The following PCED1A variants were observed in gnomAD, a reference collection of about 807,000 sequenced individuals.
The protein encoded by PCED1A is PC-esterase domain containing 1A.
A neutral mutation model predicts 41.9 loss-of-function variants in PCED1A; 20 were observed. That is an observed-to-expected ratio of 0.48 (90% CI 0.34 to 0.69). The LOEUF (loss-of-function observed/expected upper bound fraction) is 0.69, where lower values mean the gene tolerates loss of function less well. Ranked by LOEUF, PCED1A falls within the 30% of genes least tolerant of loss-of-function variation. PCED1A has a pLI of 0.01. For synonymous variants in PCED1A, 236 were observed against 241.3 expected (o/e 0.98, Z 0.20); for missense variants, 498 against 602.1 (o/e 0.83, Z 1.81).
chr20:2,839,773 T>C lies in PCED1A; in HGVS notation c.124+16A>G. On this transcript the variant is annotated intron_variant, in intron 2 of 7. Transcript: ENST00000360652. ...AGGTGTGGGACTGGAAGCGTCACCC[T>C]AGAAGAGGCACTCACTGGAGTCCCC... 2 of 1,613,668 alleles carry C rather than the reference T, an allele frequency of 1.2e-6. No individual in the cohort carries two copies. The highest frequency in any genetic ancestry group is 1.7e-6 in the Non-Finnish European group (2 of 1,179,764).
At chr20:2,837,152 A>AC (rs2146606990) in intron 6 of PCED1A, among the ~76,000 whole-genome samples, 1 of 152,348 alleles carries the variant, frequency 6.6e-6, no homozygotes, top group South Asian at 2.1e-4. Context: ...AACTAGCCTT[A>AC]CAACCTTCAG....
Position 2,838,680 on chromosome 20 carries a change from T to G in PCED1A, c.510A>C (p.Gln170His). 6.2e-7 allele frequency: 1 copy of G among 1,614,168 alleles called. No homozygotes were observed. The highest frequency in any genetic ancestry group is 8.5e-7 in the Non-Finnish European group (1 of 1,180,022). The stretch of plus-strand genomic sequence containing the variant: ...CCAGCAGGCAGGAGTCTGGCAATAC[T>G]TGGTCCATGCGCACAAACACCCGCT... ...NLERVFVRMD[Q>H]VLPDSCLLVW... is the part of the protein sequence containing the mutation. Residue 170 changes from glutamine (Q) to histidine (H), a missense_variant, in exon 5 of 8, where the codon CAA (glutamine) becomes CAC (histidine). Coordinates refer to ENST00000360652, the MANE Select transcript of PCED1A (RefSeq NM_022760.6). This position sits in a 1 kb window ranked among gnomAD's most constrained non-coding sequence, Gnocchi z 5.8.
intron 6 of PCED1A, 79 bp from the exon 7 acceptor site, chr20:2,836,393 C>G: frequency 1.6e-6 from 2 of 1,250,074 alleles, no homozygotes; most frequent in Non-Finnish European, 2.3e-6. Context: ...TTCTAAAGCT[C>G]TATTCCTTCC....
intron 1 of PCED1A, 43 bp from the exon 2 acceptor site, chr20:2,839,976 G>A: frequency 1.3e-6 from 2 of 1,551,616 alleles, no homozygotes; most frequent in Non-Finnish European, 1.7e-6. Context: ...TGGGGACTCT[G>A]GGCAGGTCAG....
chr20:2,840,653 G>A lies in PCED1A; in HGVS notation c.-464C>T, dbSNP rs1568619153. On this transcript the variant is annotated 5_prime_UTR_variant, in exon 1 of 8. Transcript: ENST00000360652. ...GCAGCCAAGTGAGGCTGCCCACAGTGGTGATGGCCGCGGCGGCGGCCTCGC... is the reference window on the plus strand; with the variant it reads ...GCAGCCAAGTGAGGCTGCCCACAGTAGTGATGGCCGCGGCGGCGGCCTCGC... 9.0e-6 allele frequency: 10 copies of A among 1,108,626 alleles called. No homozygotes were observed. The highest frequency in any genetic ancestry group is 1.2e-5 in the Non-Finnish European group (9 of 749,860). 68.7% of individuals were successfully genotyped at this position (1,108,626 alleles called of 1,614,324 possible).
chr20:2,838,565 T>A lies in PCED1A; in HGVS notation c.594+31A>T. On this transcript the variant is annotated intron_variant, in intron 5 of 7. Coordinates refer to ENST00000360652, the MANE Select transcript of PCED1A (RefSeq NM_022760.6). The surrounding 1 kb of genome is among the most constrained non-coding windows in gnomAD (Gnocchi z 5.8). ...TCCTATCTACCAGTCTGCTATCCCA[T>A]CTCTTGTCCTGATGGGCCTCAGTCA... The A allele has an allele frequency of 6.2e-7, 1 of 1,614,092 alleles. No individual in the cohort carries two copies. Among genetic ancestry groups the A allele is most frequent in the Non-Finnish European group, 8.5e-7 (1 of 1,179,972 alleles).
chr20:2,840,258 C>T lies in PCED1A; in HGVS notation c.-69G>A. On this transcript the variant is annotated 5_prime_UTR_variant, in exon 1 of 8. Coordinates refer to ENST00000360652, the MANE Select transcript of PCED1A (RefSeq NM_022760.6). The stretch of plus-strand genomic sequence containing the variant: ...TTCACCCGCGACCCGGGTATGCCTG[C>T]GCACCGCGCGCCTGGCCCGCAGCGG... The T allele has an allele frequency of 4.0e-6, 1 of 248,238 alleles. No homozygotes were observed. The highest frequency in any genetic ancestry group is 7.7e-6 in the Non-Finnish European group (1 of 130,146). The allele number at this position is 248,238 out of a possible 1,614,324, so 15.4% of individuals were successfully genotyped here. A position where few individuals can be genotyped will look rare whatever the true frequency, so the allele number is the denominator to read the frequency against.
At position 2,839,904 on chromosome 20, in the gene PCED1A, G is replaced by T. The variant is rs143418384; in HGVS notation, c.9C>A (p.Phe3Leu). The T allele has an allele frequency of 4.3e-6, 7 of 1,612,734 alleles. No homozygotes were observed. In the South Asian group the frequency reaches 4.4e-5, roughly 10 times the overall value. MV[F>L]CLSSEEPRRP... is the part of the protein sequence containing the mutation. ...GGCGCGGCTCCTCGCTCGACAGACA[G>T]AAGACCATGCCGCCACCAGCAACGA... is the stretch of plus-strand genomic sequence containing the variant. Residue 3 changes from phenylalanine (F) to leucine (L), a missense_variant, in exon 2 of 8, where the codon TTC becomes TTA. By Grantham distance (22) the Phe-to-Leu change is conservative. This residue lies in a region of PCED1A where 253 missense variants were observed against 369.7 expected (regional missense o/e 0.68). Coordinates refer to ENST00000360652, the MANE Select transcript of PCED1A (RefSeq NM_022760.6).
In PCED1A at chr20:2,835,524, G is replaced by A; in HGVS notation, c.1303C>T (p.Leu435=). The change falls in exon 8 of 8, where the codon CTG becomes TTG. Residue 435 remains leucine (L), a synonymous_variant. Coordinates refer to ENST00000360652, the MANE Select transcript of PCED1A (RefSeq NM_022760.6). ...CRQRLRHSER[L]IHTYKLDRRP... Reference sequence around the variant, plus strand: ...CTGTCCAGTTTGTATGTGTGGATCAGTCTCTCTGAGTGTCTGAGCCGCTGC... The same window carrying A: ...CTGTCCAGTTTGTATGTGTGGATCAATCTCTCTGAGTGTCTGAGCCGCTGC... 1 of 1,614,100 alleles carries A rather than the reference G, an allele frequency of 6.2e-7. No individual in the cohort carries two copies. Among genetic ancestry groups the A allele is most frequent in the Non-Finnish European group, 8.5e-7 (1 of 1,179,990 alleles).
intron 6 of PCED1A, among the ~76,000 whole-genome samples, chr20:2,836,701 G>C (rs2088841643): frequency 6.6e-6 from 1 of 151,976 alleles, no homozygotes; most frequent in South Asian, 2.1e-4. Context: ...GGAATGTTTT[G>C]CCCAATTTCC....
At chr20:2,840,761 C>T (rs759930249), upstream of PCED1A, 6 of 1,548,054 alleles carry the variant, frequency 3.9e-6, no homozygotes, top group South Asian at 4.8e-5. Flanking sequence ...TCCCAGCTGC[C>T]GTCTGCACCA....
Position 2,835,646 on chromosome 20 carries a change from G to A in PCED1A, c.1181C>T (p.Pro394Leu), listed in dbSNP as rs147321844. ...PLPPPIPGPN[P>L]HGQHWGPVVH... Reference sequence around the variant, plus strand: ...CACTGGGCCCCAGTGCTGACCATGGGGATTAGGGCCAGGGATTGGAGGTGG... The same window carrying A: ...CACTGGGCCCCAGTGCTGACCATGGAGATTAGGGCCAGGGATTGGAGGTGG... The change falls in exon 8 of 8, where the codon CCC (proline) becomes CTC (leucine). Residue 394 changes from proline to leucine, a missense_variant. By Grantham distance (98) the Pro-to-Leu change is moderately conservative (BLOSUM62 -3). Coordinates refer to ENST00000360652, the MANE Select transcript of PCED1A (RefSeq NM_022760.6). The A allele has an allele frequency of 4.9e-4, 788 of 1,601,890 alleles. No homozygotes were observed. The highest frequency in any genetic ancestry group is 6.4e-4 in the Non-Finnish European group (749 of 1,170,780).
intron 7 of PCED1A, 33 bp from the exon 8 acceptor site, chr20:2,835,742 T>G (rs1338854616): frequency 1.3e-6 from 2 of 1,521,790 alleles, no homozygotes; most frequent in Admixed American, 2.1e-5. Context: ...AAGAGCAGGC[T>G]TCTGGCCAGA....
chr20:2,838,211 C>G lies in PCED1A; in HGVS notation c.841+21G>C, dbSNP rs748204981. ...GAGGGCCCCAGTGCATCACTACCCC[C>G]CCACTTATGGTAGGGCTCACCAGGG... is the stretch of plus-strand genomic sequence containing the variant. On this transcript the variant is annotated intron_variant, in intron 6 of 7. Transcript: ENST00000360652. This position sits in a 1 kb window ranked among gnomAD's most constrained non-coding sequence, Gnocchi z 5.8. 44 of 1,613,498 alleles carry G rather than the reference C, an allele frequency of 2.7e-5. No homozygotes were observed. The highest frequency in any genetic ancestry group is 3.4e-4 in the Middle Eastern group (2 of 5,804).
Position 2,839,085 on chromosome 20 carries a change from A to AGGGGCCCCCC in PCED1A, c.205-4_205-3insGGGGGGCCCC. 2 of 491,570 alleles carry AGGGGCCCCCC rather than the reference A, an allele frequency of 4.1e-6. No individual in the cohort carries two copies. The highest frequency in any genetic ancestry group is 4.4e-5 in the African/African-American group (1 of 22,920). 30.5% of individuals were successfully genotyped at this position (491,570 alleles called of 1,614,324 possible). ...TCCTGTTCAAAGCTCAGCTCCCCCT[A>AGGGGCCCCCC]CCCACCCCCCCCACCCTACTGGTCA... is the stretch of plus-strand genomic sequence containing the variant. On this transcript the variant is annotated splice_region_variant and splice_polypyrimidine_tract_variant and intron_variant, in intron 3 of 7. Transcript: ENST00000360652.
rs1321696128 is a variant in PCED1A at position 2,838,224 on chromosome 20, G to C, written c.841+8C>G. 8 of 1,613,942 alleles carry C rather than the reference G, an allele frequency of 5.0e-6. No homozygotes were observed. The highest frequency in any genetic ancestry group is 6.8e-6 in the Non-Finnish European group (8 of 1,179,980). ...CATCACTACCCCCCCACTTATGGTA[G>C]GGCTCACCAGGGGGATAGCCACGCT... On this transcript the variant is annotated splice_region_variant and intron_variant, in intron 6 of 7. Transcript: ENST00000360652. This position sits in a 1 kb window ranked among gnomAD's most constrained non-coding sequence, Gnocchi z 5.8.
chr20:2,840,936 C>G, upstream of PCED1A: 1 of 1,086,948 alleles, frequency 9.2e-7, no homozygotes, highest in South Asian at 1.6e-5. Context: ...GGGTCCGCCC[C>G]GCGCCGGCTC....
chr20:2,840,615 G>C lies in PCED1A; in HGVS notation c.-426C>G, dbSNP rs545789352. On this transcript the variant is annotated 5_prime_UTR_variant, in exon 1 of 8. Transcript: ENST00000360652. The stretch of plus-strand genomic sequence containing the variant: ...GGGCGCGAAGCCCAGGTACGGGCTG[G>C]GGTCTCGGGGCGGCAGCCAAGTGAG... 1.3e-6 allele frequency: 1 copy of C among 764,834 alleles called. No individual in the cohort carries two copies. Among genetic ancestry groups the C allele is most frequent in the East Asian group, 2.8e-5 (1 of 35,976 alleles). 47.4% of individuals were successfully genotyped at this position (764,834 alleles called of 1,614,324 possible).
At chr20:2,837,628 AAGGGG>A (rs2088857346) in intron 6 of PCED1A, among the ~76,000 whole-genome samples, 1 of 152,106 alleles carries the variant, frequency 6.6e-6, no homozygotes, top group Non-Finnish European at 1.5e-5. Context: ...GCCTCAAAAC[AAGGGG>A]GAGTGGGGCC....
Sources: allele counts gnomAD v4.1 joint callset (sites outside exome capture counted in the v4.1 genomes callset), GRCh38; gene constraint gnomAD v4.1.1; regional missense constraint gnomAD v4.1.1; non-coding constraint Gnocchi (gnomAD v3.1); transcripts MANE v1.5; gene names NCBI Gene and HGNC (gene_info 2026-07-23, HGNC 2026-07-21).